B4GALT5: variants seen among roughly 807,000 people sequenced by gnomAD.
The protein encoded by B4GALT5 is UDP-Gal:beta-GlcNAc beta-1,4-galactosyltransferase 5.
In B4GALT5, 11 loss-of-function variants were observed where a neutral mutation model predicts 45.0. The observed-to-expected ratio is 0.24, with a 90% CI of 0.15 to 0.40. The LOEUF (loss-of-function observed/expected upper bound fraction) is 0.40. Ranked by LOEUF, B4GALT5 falls within the 10% of genes least tolerant of loss-of-function variation. The pLI is 1.00. For missense variants in B4GALT5, 337 were observed against 500.2 expected (o/e 0.67, Z 3.11); for synonymous variants, 185 against 182.9 (o/e 1.01, Z -0.09).
chr20:49,669,558 T>C (rs1442111746), intron 1 of B4GALT5, among the ~76,000 whole-genome samples: 2 of 151,978 alleles, frequency 1.3e-5, no homozygotes, highest in African/African-American at 2.4e-5. Context: ...CAGCCGAGCA[T>C]GGTGGTGCAT....
chr20:49,659,521 G>A (rs143673644), intron 1 of B4GALT5, among the ~76,000 whole-genome samples: 9 of 152,004 alleles, frequency 5.9e-5, no homozygotes, highest in African/African-American at 1.7e-4. Flanking sequence ...ATAAATTAAC[G>A]TAAACCACAT....
intron 5 of B4GALT5, 119 bp downstream of exon 5, chr20:49,642,349 C>T: frequency 1.3e-6 from 1 of 764,686 alleles, no homozygotes; most frequent in South Asian, 1.7e-5. Flanking sequence ...AAACCTCAGG[C>T]AACTCGATCC....
At position 49,710,265 on chromosome 20, in the gene B4GALT5, T is replaced by C. The variant is rs561426589; in HGVS notation, c.115+3311A>G. The stretch of plus-strand genomic sequence containing the variant: ...GGAAATATAAGTCCAATAATTCCAC[T>C]GTGCCAGAAAACAGAATTGTCATTG... On this transcript the variant is annotated intron_variant, in intron 1 of 8. Transcript: ENST00000371711. Among the ~76,000 whole-genome samples, 224 of 152,324 alleles carry C rather than the reference T, an allele frequency of 1.5e-3. 1 individual carries two copies. Among genetic ancestry groups the C allele is most frequent in the Non-Finnish European group, 2.4e-3 (163 of 68,028 alleles).
At chr20:49,668,310 A>C (rs2085700762) in intron 1 of B4GALT5, among the ~76,000 whole-genome samples, 2 of 152,220 alleles carry the variant, frequency 1.3e-5, no homozygotes, top group South Asian at 4.1e-4. Flanking sequence ...ACCATCTGTT[A>C]AATTATTAAA....
intron 1 of B4GALT5, among the ~76,000 whole-genome samples, chr20:49,676,563 C>CT (rs756109662): frequency 2.0e-5 from 3 of 152,250 alleles, no homozygotes; most frequent in Non-Finnish European, 4.4e-5. Flanking sequence ...GCCTTCACAA[C>CT]TCAGCTCAGG....
intron 2 of B4GALT5, among the ~76,000 whole-genome samples, chr20:49,653,641 T>G (rs999936776): frequency 2.0e-5 from 3 of 152,202 alleles, no homozygotes; most frequent in African/African-American, 7.2e-5. Context: ...GGGGACACAG[T>G]AGCTACCTTC....
chr20:49,687,904 A>G (rs981408118), intron 1 of B4GALT5, among the ~76,000 whole-genome samples: 1 of 151,794 alleles, frequency 6.6e-6, no homozygotes, highest in East Asian at 1.9e-4. Context: ...TTTTTTTTTC[A>G]AAGTCTGAAG....
At chr20:49,689,107 G>GA in intron 1 of B4GALT5, among the ~76,000 whole-genome samples, 1 of 152,130 alleles carries the variant, frequency 6.6e-6, no homozygotes, top group Non-Finnish European at 1.5e-5. Context: ...GCTAGCCTGA[G>GA]AAAATGTCTC....
intron 1 of B4GALT5, among the ~76,000 whole-genome samples, chr20:49,659,398 C>T (rs2085656150): frequency 6.6e-6 from 1 of 152,112 alleles, no homozygotes; most frequent in African/African-American, 2.4e-5. Flanking sequence ...TGTCAGTCTC[C>T]CCCCTTCTCC....
At chr20:49,670,388 C>CT (rs1242079312) in intron 1 of B4GALT5, among the ~76,000 whole-genome samples, 1 of 152,062 alleles carries the variant, frequency 6.6e-6, no homozygotes, top group Non-Finnish European at 1.5e-5. Context: ...GTGAGATGAC[C>CT]TTTTTTCCTT....
intron 1 of B4GALT5, chr20:49,684,661 CAG>C (rs1186818306): frequency 1.9e-6 from 1 of 518,522 alleles, no homozygotes; most frequent in Non-Finnish European, 3.8e-6. Flanking sequence ...TGATCTACAA[CAG>C]AAAGAAATCA....
intron 1 of B4GALT5, among the ~76,000 whole-genome samples, chr20:49,697,727 A>C (rs2085845376): frequency 6.6e-6 from 1 of 152,164 alleles, no homozygotes; most frequent in Non-Finnish European, 1.5e-5. Context: ...TGTTTAGAGG[A>C]AGGGGGATGG....
chr20:49,659,800 G>GTTTTTTCT (rs771997195), intron 1 of B4GALT5, among the ~76,000 whole-genome samples: 1 of 150,946 alleles, frequency 6.6e-6, no homozygotes, highest in Non-Finnish European at 1.5e-5. Flanking sequence ...CCAGTCACTT[G>GTTTTTTCT]TTTTTTCTTT....
rs1372118859 is a variant in B4GALT5 at position 49,678,147 on chromosome 20, G to C, written c.116-21445C>G. The stretch of plus-strand genomic sequence containing the variant: ...TTTATTTCTTCAGAACACAGCAAAT[G>C]GCAGGGTAGAGAATCAAATGACACT... On this transcript the variant is annotated intron_variant, in intron 1 of 8. Coordinates refer to ENST00000371711, the MANE Select transcript of B4GALT5 (RefSeq NM_004776.4). Among the ~76,000 whole-genome samples, 3 of 152,228 alleles carry C rather than the reference G, an allele frequency of 2.0e-5. No individual in the cohort carries two copies. The East Asian group carries it at 5.8e-4, about 29-fold the overall frequency.
chr20:49,647,159 C>T, intron 2 of B4GALT5, 81 bp from the exon 3 acceptor site: 4 of 805,286 alleles, frequency 5.0e-6, no homozygotes, highest in Non-Finnish European at 8.3e-6. Context: ...CCAAGTAAGT[C>T]TTTCTCTTAG....
intron 5 of B4GALT5, among the ~76,000 whole-genome samples, chr20:49,641,572 C>G (rs573157466): frequency 1.3e-5 from 2 of 152,132 alleles, no homozygotes; most frequent in Non-Finnish European, 2.9e-5. Flanking sequence ...GCAGATAGAC[C>G]GTTAGCATTT....
At chr20:49,680,596 T>C (rs1323287483) in intron 1 of B4GALT5, among the ~76,000 whole-genome samples, 1 of 152,010 alleles carries the variant, frequency 6.6e-6, no homozygotes, top group African/African-American at 2.4e-5. Context: ...TTATTAGAAG[T>C]TGCGGAGAAG....
In B4GALT5 at chr20:49,637,351, A is replaced by G; in HGVS notation, c.1009T>C (p.Phe337Leu). 6.2e-7 allele frequency: 1 copy of G among 1,613,724 alleles called. No homozygotes were observed. Among genetic ancestry groups the G allele is most frequent in the Non-Finnish European group, 8.5e-7 (1 of 1,179,694 alleles). Residue 337 changes from phenylalanine to leucine, a missense_variant, in exon 8 of 9, where the codon TTT becomes CTT. Phe to Leu is a conservative substitution (Grantham distance 22). This residue lies in a region of B4GALT5 where 163 missense variants were observed against 292.8 expected (regional missense o/e 0.56). Coordinates refer to ENST00000371711, the MANE Select transcript of B4GALT5 (RefSeq NM_004776.4). The part of the protein sequence containing the change: ...IPHHHRGEVQ[F>L]LGRYALLRKS... Reference sequence around the variant, plus strand: ...ATAAATTCCACCAACCTTCCAAGAAACTGGACTTCTCCTCGATGGTGATGA... The same window carrying G: ...ATAAATTCCACCAACCTTCCAAGAAGCTGGACTTCTCCTCGATGGTGATGA...
chr20:49,684,323 G>A (rs1258264617), intron 1 of B4GALT5, among the ~76,000 whole-genome samples: 1 of 152,148 alleles, frequency 6.6e-6, no homozygotes, highest in East Asian at 1.9e-4. Context: ...AGCACTTTGG[G>A]AGGCTGAGGC....
Sources: allele counts gnomAD v4.1 joint callset (sites outside exome capture counted in the v4.1 genomes callset), GRCh38; gene constraint gnomAD v4.1.1; regional missense constraint gnomAD v4.1.1; transcripts MANE v1.5; gene names NCBI Gene and HGNC (gene_info 2026-07-23, HGNC 2026-07-21).